Variants in ADPGK observed in about 807,000 individuals in gnomAD.
ADPGK encodes the protein ADP dependent glucokinase, also known as ADP-dependent glucokinase.
ADPGK carries 26 observed loss-of-function variants against 42.4 expected under a neutral mutation model. The ratio of observed to expected loss-of-function variants is 0.61; its 90% CI spans 0.45 to 0.85. The LOEUF is 0.85. Ranked by LOEUF, ADPGK falls within the 40% of genes least tolerant of loss-of-function variation. The pLI is 0.00. For missense variants in ADPGK, 571 were observed against 627.0 expected (o/e 0.91, Z 0.95); for synonymous variants, 267 against 252.6 (o/e 1.06, Z -0.54).
chr15:72,760,594 C>G (rs2066180390), intron 3 of ADPGK, 67 bp from the exon 4 acceptor site: 1 of 1,497,704 alleles, frequency 6.7e-7, no homozygotes. Context: ...TCAACAGCAC[C>G]CCAGGACAGT....
At position 72,771,505 on chromosome 15, in the gene ADPGK, A is replaced by C. The variant is rs76086358; in HGVS notation, c.522+278T>G. Among the ~76,000 whole-genome samples, 1,457 of 152,334 alleles carry C rather than the reference A, an allele frequency of 9.6e-3. 26 individuals carry two copies. Among genetic ancestry groups the C allele is most frequent in the African/African-American group, 0.033 (1,371 of 41,578 alleles). ...GTGCCTCAAGTTTTCTCATGCAGAA[A>C]GGAAGAACAATGGCAGTACCGACTA... On this transcript the variant is annotated intron_variant, in intron 3 of 6. Coordinates refer to ENST00000456471, the MANE Select transcript of ADPGK (RefSeq NM_001365225.1).
At chr15:72,766,179 T>TG (rs1566954897) in intron 3 of ADPGK, among the ~76,000 whole-genome samples, 1 of 152,022 alleles carries the variant, frequency 6.6e-6, no homozygotes, top group African/African-American at 2.4e-5. Context: ...TTTTTAGAGA[T>TG]GGGGTCTCGC....
At position 72,751,339 on chromosome 15, in the gene ADPGK, T is replaced by TG; in HGVS notation, c.*1001dup. On this transcript the variant is annotated 3_prime_UTR_variant, in exon 7 of 7. Coordinates refer to ENST00000456471, the MANE Select transcript of ADPGK (RefSeq NM_001365225.1). Reference sequence around the variant, plus strand: ...ATCTTATCTGGTTCCAGAGTGGTGATGGAGACAAAAATCAATTACAGACAG... The same window carrying TG: ...ATCTTATCTGGTTCCAGAGTGGTGATGGGAGACAAAAATCAATTACAGACAG... 6.5e-6 allele frequency: 1 copy of TG among 152,734 alleles called. No individual in the cohort carries two copies. The highest frequency in any genetic ancestry group is 2.4e-5 in the African/African-American group (1 of 41,554). 9.5% of individuals were successfully genotyped at this position (152,734 alleles called of 1,614,324 possible).
chr15:72,768,203 A>G (rs1190800761), intron 3 of ADPGK, among the ~76,000 whole-genome samples: 1 of 152,098 alleles, frequency 6.6e-6, no homozygotes, highest in East Asian at 1.9e-4. Flanking sequence ...AAACTACTAA[A>G]GCTCATTTAA....
chr15:72,779,331 C>A (rs1453444914), intron 1 of ADPGK, among the ~76,000 whole-genome samples: 1 of 150,576 alleles, frequency 6.6e-6, no homozygotes, highest in Non-Finnish European at 1.5e-5. Flanking sequence ...TCACCGCAAC[C>A]TCTGCCTCCT....
intron 3 of ADPGK, 87 bp downstream of exon 3, chr15:72,771,696 A>G: frequency 4.8e-6 from 6 of 1,256,664 alleles, no homozygotes; most frequent in Non-Finnish European, 6.8e-6. Flanking sequence ...CCATAAGTTG[A>G]ATCAAGGAAT....
rs1397241471 is a variant in ADPGK at position 72,760,513 on chromosome 15, A to T, written c.537T>A (p.Gly179=). The change falls in exon 4 of 7, where the codon GGT becomes GGA. Residue 179 remains glycine (G), a synonymous_variant. Transcript: ENST00000456471. Reference sequence around the variant, plus strand: ...GCTCATGTAGCTTTGGACCAACTGGACCGCAAAGAAGAACCTGGAGGCAAG... The same window carrying T: ...GCTCATGTAGCTTTGGACCAACTGGTCCGCAAAGAAGAACCTGGAGGCAAG... ...ANSDLKVLLC[G]PVGPKLHELL... is the part of the protein sequence containing the mutation. 3 of 1,604,270 alleles carry T rather than the reference A, an allele frequency of 1.9e-6. No homozygotes were observed. Among genetic ancestry groups the T allele is most frequent in the Non-Finnish European group, 1.7e-6 (2 of 1,172,306 alleles).
intron 1 of ADPGK, chr15:72,783,225 A>G (rs2066490060): frequency 1.6e-6 from 2 of 1,229,176 alleles, no homozygotes; most frequent in African/African-American, 3.1e-5. Context: ...ATTAGCAAGA[A>G]GCTGTTAGGG....
chr15:72,767,591 G>A (rs1410252640), intron 3 of ADPGK, among the ~76,000 whole-genome samples: 1 of 152,054 alleles, frequency 6.6e-6, no homozygotes, highest in Non-Finnish European at 1.5e-5. Context: ...TCAGGTCATA[G>A]AAAGCATATT....
chr15:72,782,850 G>GGA (rs1487167765), intron 1 of ADPGK: 1 of 152,242 alleles, frequency 6.6e-6, no homozygotes, highest in African/African-American at 2.4e-5. Flanking sequence ...TACAAAGAAA[G>GGA]GAGGTAGTGT....
intron 6 of ADPGK, among the ~76,000 whole-genome samples, chr15:72,755,277 A>T (rs1482666062): frequency 2.6e-5 from 4 of 152,206 alleles, no homozygotes; most frequent in African/African-American, 9.7e-5. Flanking sequence ...CTGGGCTTTC[A>T]GTTTTTTCCA....
At chr15:72,767,040 T>TA (rs1265817772) in intron 3 of ADPGK, among the ~76,000 whole-genome samples, 1 of 152,016 alleles carries the variant, frequency 6.6e-6, no homozygotes, top group Non-Finnish European at 1.5e-5. Flanking sequence ...ACGCTGTCTA[T>TA]AAAAAATACA....
At chr15:72,773,403 G>A (rs780485156) in intron 2 of ADPGK, among the ~76,000 whole-genome samples, 4 of 152,142 alleles carry the variant, frequency 2.6e-5, no homozygotes, top group Non-Finnish European at 5.9e-5. Flanking sequence ...AACCACGATA[G>A]TTAGAATTTA....
chr15:72,758,279 G>A, intron 4 of ADPGK: 1 of 757,674 alleles, frequency 1.3e-6, no homozygotes, highest in Non-Finnish European at 2.4e-6. Context: ...CTCACAAAGT[G>A]TTGTATTCAT....
At position 72,775,196 on chromosome 15, in the gene ADPGK, G is replaced by T. The variant is rs749851585; in HGVS notation, c.234-99C>A. 7 of 1,006,574 alleles carry T rather than the reference G, an allele frequency of 7.0e-6. No individual in the cohort carries two copies. In the South Asian group the frequency reaches 1.0e-4, roughly 15 times the overall value. The allele number at this position is 1,006,574 out of a possible 1,614,324, so 62.4% of individuals were successfully genotyped here. A position where few individuals can be genotyped will look rare whatever the true frequency, so the allele number is the denominator to read the frequency against. On this transcript the variant is annotated intron_variant, in intron 1 of 6. Transcript: ENST00000456471. The stretch of plus-strand genomic sequence containing the variant: ...ATGTTTCTCAGAACCTTATTCAACA[G>T]AAAAAACAGGAAGTAGGTCTGAAAC...
At chr15:72,760,361 C>G in intron 4 of ADPGK, 46 bp downstream of exon 4, 1 of 1,545,166 alleles carries the variant, frequency 6.5e-7, no homozygotes, top group Middle Eastern at 1.7e-4. Flanking sequence ...TGACAATACA[C>G]AGCCCCTTGA....
intron 4 of ADPGK, among the ~76,000 whole-genome samples, chr15:72,759,126 C>T (rs182844349): frequency 4.6e-5 from 7 of 152,174 alleles, no homozygotes; most frequent in Admixed American, 2.6e-4. Context: ...TTAGTAGAGA[C>T]GGGGTTTCAC....
At chr15:72,764,744 A>T (rs999109680) in intron 3 of ADPGK, among the ~76,000 whole-genome samples, 2 of 152,210 alleles carry the variant, frequency 1.3e-5, no homozygotes, top group African/African-American at 4.8e-5. Context: ...GGACTTTCAG[A>T]GCTAGAGAGT....
chr15:72,783,201 TCAGA>T (rs1268150495), intron 1 of ADPGK: 3 of 1,219,554 alleles, frequency 2.5e-6, no homozygotes, highest in East Asian at 3.2e-5. Flanking sequence ...GAGAAAGGTG[TCAGA>T]CAAAGCGGGA....
Sources: gnomAD v4.1 joint callset for allele counts (sites outside exome capture counted in the v4.1 genomes callset) on GRCh38, gnomAD v4.1.1 for gene constraint, MANE v1.5 for transcripts, NCBI Gene and HGNC (gene_info 2026-07-23, HGNC 2026-07-21) for gene names.